ANO2: variants seen among roughly 807,000 people sequenced by gnomAD.
The protein encoded by ANO2 is anoctamin 2, also known as anoctamin-2.
Under a neutral mutation model 124.2 loss-of-function variants are expected in ANO2, and 101 were observed. The ratio of observed to expected loss-of-function variants is 0.81; its 90% CI spans 0.69 to 0.96. The LOEUF (loss-of-function observed/expected upper bound fraction) is 0.96. ANO2 is among the 40% of genes least tolerant of loss of function. The pLI is 0.00. For synonymous variants in ANO2, 486 were observed against 482.5 expected, an observed-to-expected ratio of 1.01 and a Z score of -0.09; for missense variants, 1,293 against 1,274.5, an observed-to-expected ratio of 1.01 and a Z score of -0.22.
rs1591814486 is a variant in ANO2, at chr12:5,647,799, A to C, written c.1548T>G (p.Asp516Glu). The C allele has an allele frequency of 6.2e-7, 1 of 1,608,436 alleles. No homozygotes were observed. The highest frequency in any genetic ancestry group is 1.1e-5 in the South Asian group (1 of 89,166). The change falls in exon 15 of 25, where the codon GAT (aspartate) becomes GAG (glutamate). Residue 516 changes from aspartate to glutamate, a missense_variant and splice_region_variant. Transcript: ENST00000682330. ...CCTTCCAGGTCAGTTTATCTTCATC[A>C]TCCTGGGGAGAAACGGGAGAGTAGA... ...ETNTTECGDE[D>E]DEDKLTWKDR...
chr12:5,635,231 T>C lies in ANO2; in HGVS notation c.1737A>G (p.Thr579=). ...TGACCACGAGGTTGATGATGACTGC[T>C]GTTGCTGTCACTGTCACCCGGACAT... ...RSNVRVTVTA[T]AVIINLVVIL... is the part of the protein sequence containing the mutation. Residue 579 remains threonine (T), a synonymous_variant, in exon 16 of 25, where the codon ACA becomes ACG. Coordinates refer to ENST00000682330, the MANE Select transcript of ANO2 (RefSeq NM_001364791.2). This position sits in a 1 kb window ranked among gnomAD's most constrained non-coding sequence, Gnocchi z 5.2. 1.2e-6 allele frequency: 2 copies of C among 1,613,192 alleles called. No individual in the cohort carries two copies. Among genetic ancestry groups the C allele is most frequent in the Non-Finnish European group, 1.7e-6 (2 of 1,179,674 alleles).
chr12:5,667,997 A>G (rs1469503866), intron 14 of ANO2, among the ~76,000 whole-genome samples: 3 of 152,242 alleles, frequency 2.0e-5, no homozygotes, highest in Non-Finnish European at 4.4e-5. Flanking sequence ...TATTGTGAAT[A>G]GTGCTACAAT....
rs748023383 is a variant in ANO2, at chr12:5,922,719, C to T, written c.108G>A (p.Gln36=). ...CCCGGGGACCTGGCATCTTGAGACA[C>T]TGCTGTCCATGTTTGGGGCCCTGGC... The part of the protein sequence containing the change: ...RGGQGPKHGQ[Q]CLKMPGPRAP... Residue 36 remains glutamine (Q), a synonymous_variant, in exon 2 of 25, where the codon CAG becomes CAA. Transcript: ENST00000682330. 8.1e-6 allele frequency: 13 copies of T among 1,600,512 alleles called. No homozygotes were observed. The South Asian group carries it at 1.4e-4, about 17-fold the overall frequency.
chr12:5,839,571 T>C (rs138758364), intron 4 of ANO2: 683 of 455,964 alleles, frequency 1.5e-3, no homozygotes, highest in Non-Finnish European at 2.5e-3. Flanking sequence ...AAAAGAAACA[T>C]TCATTCATGG....
chr12:5,866,334 T>C (rs1424790248), intron 3 of ANO2, among the ~76,000 whole-genome samples: 1 of 152,146 alleles, frequency 6.6e-6, no homozygotes, highest in East Asian at 1.9e-4. Flanking sequence ...AGCAGAAAGA[T>C]AGAGAAATTG....
intron 3 of ANO2, among the ~76,000 whole-genome samples, chr12:5,859,369 A>T (rs1351975915): frequency 1.3e-5 from 2 of 152,134 alleles, no homozygotes; most frequent in African/African-American, 4.8e-5. Context: ...TCTCAAAAAA[A>T]CTATGCAATC....
chr12:5,661,005 A>G (rs541840667), intron 14 of ANO2, among the ~76,000 whole-genome samples: 15 of 152,256 alleles, frequency 9.9e-5, no homozygotes, highest in Non-Finnish European at 2.1e-4. Context: ...CAGTTTGAGA[A>G]AAATAGTCAA....
At chr12:5,731,537 T>G (rs1950635176) in intron 14 of ANO2, among the ~76,000 whole-genome samples, 1 of 152,094 alleles carries the variant, frequency 6.6e-6, no homozygotes, top group Non-Finnish European at 1.5e-5. Flanking sequence ...CAACAGATTT[T>G]CAATCTAGTG....
In ANO2 at chr12:5,607,252, T is replaced by C. The variant is rs111873584; in HGVS notation, c.2087+5404A>G. On this transcript the variant is annotated intron_variant, in intron 19 of 24. Coordinates refer to ENST00000682330, the MANE Select transcript of ANO2 (RefSeq NM_001364791.2). ...TTTCACTCCCTGGAGTCCCAACACT[T>C]CCAAAGCATCACCGTTAAACACAAA... Among the ~76,000 whole-genome samples, 333 of 152,110 alleles carry C rather than the reference T, an allele frequency of 2.2e-3. 2 individuals are homozygous for C. Among genetic ancestry groups the C allele is most frequent in the African/African-American group, 7.7e-3 (320 of 41,484 alleles).
chr12:5,903,672 T>G (rs1355116791), intron 3 of ANO2, among the ~76,000 whole-genome samples: 4 of 151,778 alleles, frequency 2.6e-5, no homozygotes, highest in African/African-American at 9.7e-5. Context: ...TGTGTGTGTG[T>G]GTGTGGGTGT....
chr12:5,625,820 A>G (rs1026494626), intron 16 of ANO2, among the ~76,000 whole-genome samples: 5 of 152,256 alleles, frequency 3.3e-5, no homozygotes, highest in African/African-American at 1.2e-4. Flanking sequence ...GCTTTGACGG[A>G]AGACTAGAGG....
chr12:5,885,486 G>A (rs1938823046), intron 3 of ANO2, among the ~76,000 whole-genome samples: 1 of 152,182 alleles, frequency 6.6e-6, no homozygotes, highest in Non-Finnish European at 1.5e-5. Flanking sequence ...ATTAGGCACT[G>A]TACTAAGGGC....
chr12:5,702,256 A>T lies in ANO2; in HGVS notation c.1545+30264T>A, dbSNP rs551038191. On this transcript the variant is annotated intron_variant, in intron 14 of 24. Coordinates refer to ENST00000682330, the MANE Select transcript of ANO2 (RefSeq NM_001364791.2). ...CACAATTAGCAAACTTGATCTAAAA[A>T]ACCAATAACACTACACTGACTGCTG... 2.0e-5 allele frequency among the ~76,000 whole-genome samples: 3 copies of T among 152,310 alleles called. No individual in the cohort carries two copies. In the East Asian group the frequency reaches 5.8e-4, roughly 29 times the overall value.
chr12:5,841,051 C>T (rs2137233177), intron 4 of ANO2, among the ~76,000 whole-genome samples: 1 of 152,296 alleles, frequency 6.6e-6, no homozygotes, highest in East Asian at 1.9e-4. Flanking sequence ...CCAAAAATGC[C>T]ATGGAGTTCA....
At chr12:5,829,072 C>G (rs796533947) in intron 6 of ANO2, among the ~76,000 whole-genome samples, 8 of 152,302 alleles carry the variant, frequency 5.3e-5, no homozygotes, top group African/African-American at 1.9e-4. Flanking sequence ...TATTTACATT[C>G]CCATATTCCA....
intron 3 of ANO2, among the ~76,000 whole-genome samples, chr12:5,854,737 C>T (rs1164998660): frequency 6.6e-6 from 1 of 152,142 alleles, no homozygotes; most frequent in African/African-American, 2.4e-5. Flanking sequence ...GAACATGAAT[C>T]TATGTCTCAG....
chr12:5,679,062 C>T (rs1948382390), intron 14 of ANO2, among the ~76,000 whole-genome samples: 2 of 152,220 alleles, frequency 1.3e-5, no homozygotes, highest in Admixed American at 6.5e-5. Flanking sequence ...AAAACTCAGA[C>T]AGCATTGACA....
chr12:5,803,502 T>C (rs1314162247), intron 9 of ANO2, among the ~76,000 whole-genome samples: 4 of 152,150 alleles, frequency 2.6e-5, no homozygotes, highest in Non-Finnish European at 5.9e-5. Flanking sequence ...TCCAAAGTTC[T>C]ACTTTGGGTT....
At position 5,643,771 on chromosome 12, in the gene ANO2, T is replaced by C. The variant is rs73269221; in HGVS notation, c.1620+3956A>G. Among the ~76,000 whole-genome samples the C allele has an allele frequency of 5.4e-3, 826 of 152,322 alleles. 6 individuals carry two copies. The highest frequency in any genetic ancestry group is 0.019 in the African/African-American group (790 of 41,568). ...TATCTCATTGTGGTTTAAATTAGAATTTCCAGGATTACTAATGAGATTGGG... is the reference window on the plus strand; with the variant it reads ...TATCTCATTGTGGTTTAAATTAGAACTTCCAGGATTACTAATGAGATTGGG... On this transcript the variant is annotated intron_variant, in intron 15 of 24. Coordinates refer to ENST00000682330, the MANE Select transcript of ANO2 (RefSeq NM_001364791.2).
Sources: allele counts gnomAD v4.1 joint callset (sites outside exome capture counted in the v4.1 genomes callset), GRCh38; gene constraint gnomAD v4.1.1; non-coding constraint Gnocchi (gnomAD v3.1); transcripts MANE v1.5; gene names NCBI Gene and HGNC (gene_info 2026-07-23, HGNC 2026-07-21).